LRMDA: variants seen among roughly 807,000 people sequenced by gnomAD.
The protein encoded by LRMDA is leucine-rich melanocyte differentiation-associated protein.
In LRMDA, 18 loss-of-function variants were observed where a neutral mutation model predicts 29.8. That is an observed-to-expected ratio of 0.60 (90% CI 0.42 to 0.90). The LOEUF (loss-of-function observed/expected upper bound fraction) is 0.90, where lower values mean the gene tolerates loss of function less well. Ranked by LOEUF, LRMDA falls within the 40% of genes least tolerant of loss-of-function variation. The pLI is 0.00. For missense variants in LRMDA, 273 were observed against 273.9 expected (o/e 1.00, Z 0.02); for synonymous variants, 125 against 109.4 (o/e 1.14, Z -0.89).
chr10:76,083,617 T>C (rs1358456007), intron 5 of LRMDA, among the ~76,000 whole-genome samples: 6 of 152,030 alleles, frequency 3.9e-5, no homozygotes, highest in African/African-American at 4.8e-5. Context: ...TCACCTGAGA[T>C]CAGGAGTTCG....
At chr10:75,825,578 G>A (rs1293574725) in intron 2 of LRMDA, among the ~76,000 whole-genome samples, 2 of 152,194 alleles carry the variant, frequency 1.3e-5, no homozygotes, top group Admixed American at 1.3e-4. Flanking sequence ...TTACCACCCA[G>A]AAATGTGGCA....
At chr10:76,208,653 A>C (rs770052931) in intron 5 of LRMDA, among the ~76,000 whole-genome samples, 5 of 152,164 alleles carry the variant, frequency 3.3e-5, no homozygotes, top group Non-Finnish European at 7.3e-5. Flanking sequence ...AAATAGGAGG[A>C]AACACATGTG....
intron 2 of LRMDA, among the ~76,000 whole-genome samples, chr10:75,853,754 C>T (rs1289169793): frequency 6.6e-6 from 1 of 152,158 alleles, no homozygotes; most frequent in Non-Finnish European, 1.5e-5. Context: ...ACAGTGATTC[C>T]ATGAGGCATT....
intron 2 of LRMDA, among the ~76,000 whole-genome samples, chr10:75,648,338 T>A (rs761055790): frequency 6.6e-6 from 1 of 152,068 alleles, no homozygotes; most frequent in Non-Finnish European, 1.5e-5. Context: ...TAGCATGGTG[T>A]GCCTTTCCCT....
chr10:76,362,047 C>T (rs186222579), intron 6 of LRMDA, among the ~76,000 whole-genome samples: 5 of 152,306 alleles, frequency 3.3e-5, no homozygotes, highest in South Asian at 2.1e-4. Context: ...GAAGGACTCA[C>T]GAGTTCAGAG....
At chr10:76,462,178 C>A (rs907674411) in intron 6 of LRMDA, among the ~76,000 whole-genome samples, 1 of 151,590 alleles carries the variant, frequency 6.6e-6, no homozygotes, top group Non-Finnish European at 1.5e-5. Context: ...CAGACAATAC[C>A]CTAGACCTTC....
chr10:75,635,059 A>G (rs186223940), intron 2 of LRMDA, among the ~76,000 whole-genome samples: 58 of 152,286 alleles, frequency 3.8e-4, no homozygotes, highest in Non-Finnish European at 7.4e-5. Flanking sequence ...TTTAAGAGAA[A>G]TGTGAGAAAT....
intron 2 of LRMDA, among the ~76,000 whole-genome samples, chr10:75,718,144 G>A (rs888737230): frequency 2.0e-5 from 3 of 152,090 alleles, no homozygotes; most frequent in African/African-American, 7.2e-5. Flanking sequence ...ATCAATTGTT[G>A]CCACAATGAT....
intron 5 of LRMDA, among the ~76,000 whole-genome samples, chr10:76,218,683 G>T (rs1194280789): frequency 6.6e-6 from 1 of 152,186 alleles, no homozygotes; most frequent in African/African-American, 2.4e-5. Context: ...GCCCCACCTG[G>T]GAGGTGTGTA....
At position 75,563,549 on chromosome 10, in the gene LRMDA, C is replaced by A. The variant is rs181276349; in HGVS notation, c.131+125055C>A. Among the ~76,000 whole-genome samples, 953 of 152,282 alleles carry A rather than the reference C, an allele frequency of 6.3e-3. 18 individuals carry two copies. The highest frequency in any genetic ancestry group is 0.021 in the African/African-American group (889 of 41,546). ...TCAACTCGTCAAAGTCATTCTCCGTCCAGCTTTGTTCCGTTGCTGGTGAGG... is the reference window on the plus strand; with the variant it reads ...TCAACTCGTCAAAGTCATTCTCCGTACAGCTTTGTTCCGTTGCTGGTGAGG... On this transcript the variant is annotated intron_variant, in intron 2 of 6. Transcript: ENST00000611255.
chr10:75,768,187 G>T (rs1045209998), intron 2 of LRMDA, among the ~76,000 whole-genome samples: 1 of 152,170 alleles, frequency 6.6e-6, no homozygotes, highest in African/African-American at 2.4e-5. Flanking sequence ...GCACCTGATT[G>T]TCCTGGCACT....
chr10:75,748,226 T>C (rs1290603250), intron 2 of LRMDA, among the ~76,000 whole-genome samples: 1 of 152,118 alleles, frequency 6.6e-6, no homozygotes, highest in Non-Finnish European at 1.5e-5. Flanking sequence ...CCCGAGCAGC[T>C]GGGATTATAG....
intron 5 of LRMDA, among the ~76,000 whole-genome samples, chr10:76,171,981 G>A (rs1850847503): frequency 6.6e-6 from 1 of 152,096 alleles, no homozygotes; most frequent in Non-Finnish European, 1.5e-5. Flanking sequence ...CCCTCATACT[G>A]CTCCCACTCA....
intron 2 of LRMDA, among the ~76,000 whole-genome samples, chr10:75,885,714 T>C (rs148553842): frequency 1.3e-5 from 2 of 152,372 alleles, no homozygotes; most frequent in East Asian, 3.9e-4. Context: ...TTGTGATGTT[T>C]AGTAAATTGG....
chr10:76,343,647 A>T (rs1841067951), intron 6 of LRMDA, among the ~76,000 whole-genome samples: 1 of 152,152 alleles, frequency 6.6e-6, no homozygotes, highest in African/African-American at 2.4e-5. Context: ...AAAAGCCAAC[A>T]TCAAACTTAG....
chr10:76,289,603 C>T (rs11001720), intron 5 of LRMDA, among the ~76,000 whole-genome samples: 84,150 of 151,934 alleles, frequency 0.55, 24,449 homozygotes, highest in African/African-American at 0.74. Flanking sequence ...TTGGATAGAT[C>T]CTGGTTAACT....
intron 5 of LRMDA, among the ~76,000 whole-genome samples, chr10:76,065,555 A>T (rs1450346416): frequency 1.3e-5 from 2 of 152,186 alleles, no homozygotes; most frequent in Non-Finnish European, 2.9e-5. Flanking sequence ...AGCCTCCCAC[A>T]TGCTCGCTGC....
intron 2 of LRMDA, among the ~76,000 whole-genome samples, chr10:75,445,703 G>A (rs911205017): frequency 2.0e-5 from 3 of 152,208 alleles, no homozygotes; most frequent in Non-Finnish European, 4.4e-5. Flanking sequence ...TCCCCCAGGG[G>A]CCCTGAGTGG....
chr10:76,513,392 C>T (rs1843027437), intron 6 of LRMDA, among the ~76,000 whole-genome samples: 1 of 151,918 alleles, frequency 6.6e-6, no homozygotes. Context: ...TTTAGTTTCC[C>T]CCACCACTCA....
Sources: allele counts gnomAD v4.1 joint callset (sites outside exome capture counted in the v4.1 genomes callset), GRCh38; gene constraint gnomAD v4.1.1; transcripts MANE v1.5; gene names NCBI Gene and HGNC (gene_info 2026-07-23, HGNC 2026-07-21).